ACOXL: variants seen among roughly 807,000 people sequenced by gnomAD.
The protein encoded by ACOXL is acyl-coenzyme A oxidase-like protein.
A neutral mutation model predicts 71.9 loss-of-function variants in ACOXL; 70 were observed. The observed-to-expected ratio is 0.97, with a 90% confidence interval of 0.80 to 1.19. ACOXL has a LOEUF of 1.19. ACOXL is among the 50% of genes most tolerant of loss of function. ACOXL has a pLI of 0.00. For synonymous variants in ACOXL, 253 were observed against 281.6 expected (o/e 0.90, Z 1.02); for missense variants, 703 against 736.3 (o/e 0.95, Z 0.52).
intron 1 of ACOXL, among the ~76,000 whole-genome samples, chr2:110,737,280 C>G (rs774211523): frequency 1.1e-4 from 16 of 152,168 alleles, no homozygotes; most frequent in Non-Finnish European, 2.1e-4. Flanking sequence ...TTACTTCATT[C>G]TCATGTAATT....
At chr2:111,091,008 A>G (rs2068491217) in intron 16 of ACOXL, among the ~76,000 whole-genome samples, 1 of 152,192 alleles carries the variant, frequency 6.6e-6, no homozygotes, top group Non-Finnish European at 1.5e-5. Context: ...GAGAACAGCT[A>G]GAGATTAAAG....
chr2:111,060,165 C>T (rs1558924641), intron 16 of ACOXL, among the ~76,000 whole-genome samples: 1 of 152,146 alleles, frequency 6.6e-6, no homozygotes, highest in Admixed American at 6.5e-5. Context: ...TGAGGCCTCC[C>T]TTCCCCTCCT....
At chr2:110,929,003 GTA>G (rs2060383690) in intron 11 of ACOXL, among the ~76,000 whole-genome samples, 1 of 152,144 alleles carries the variant, frequency 6.6e-6, no homozygotes, top group Non-Finnish European at 1.5e-5. Flanking sequence ...CTAGCCTTGG[GTA>G]TGTCTTTATC....
intron 14 of ACOXL, chr2:111,016,779 G>A (rs13013712): frequency 0.014 from 2,068 of 152,794 alleles, 19 homozygotes; most frequent in South Asian, 0.021. Flanking sequence ...CAGTAGCCAG[G>A]GTCACAGAAG....
intron 12 of ACOXL, among the ~76,000 whole-genome samples, chr2:110,966,264 C>T (rs2061924216): frequency 6.6e-6 from 1 of 152,174 alleles, no homozygotes; most frequent in Non-Finnish European, 1.5e-5. Flanking sequence ...AATCCACCCC[C>T]ACTCAGCAGC....
chr2:110,760,240 C>T (rs1232917210), intron 1 of ACOXL, among the ~76,000 whole-genome samples: 5 of 151,474 alleles, frequency 3.3e-5, no homozygotes, highest in African/African-American at 7.3e-5. Context: ...CTTGGGTTCA[C>T]GCCATTCTCC....
intron 10 of ACOXL, among the ~76,000 whole-genome samples, chr2:110,864,205 G>T: frequency 6.6e-6 from 1 of 152,174 alleles, no homozygotes; most frequent in South Asian, 2.1e-4. Flanking sequence ...GGTCAAATCT[G>T]TTCTTTCCCA....
chr2:110,956,409 G>C (rs964534583), intron 12 of ACOXL, among the ~76,000 whole-genome samples: 1 of 152,114 alleles, frequency 6.6e-6, no homozygotes, highest in Non-Finnish European at 1.5e-5. Context: ...TGAGAGTGCA[G>C]GGCAGCAGCG....
chr2:110,907,684 G>A (rs76307991), intron 10 of ACOXL, among the ~76,000 whole-genome samples: 4 of 152,118 alleles, frequency 2.6e-5, no homozygotes, highest in East Asian at 1.9e-4. Flanking sequence ...GCTTGCACGC[G>A]GCCTTCCTTG....
At chr2:110,991,005 T>TG (rs1307250382) in intron 13 of ACOXL, among the ~76,000 whole-genome samples, 7 of 152,190 alleles carry the variant, frequency 4.6e-5, no homozygotes, top group African/African-American at 1.4e-4. Context: ...AGAGTTATTT[T>TG]GGGGGGAGTG....
chr2:110,912,967 C>T (rs187336515), intron 11 of ACOXL, among the ~76,000 whole-genome samples: 17 of 152,096 alleles, frequency 1.1e-4, no homozygotes, highest in Admixed American at 4.6e-4. Flanking sequence ...GACTTTCCTC[C>T]AAAGAAGATG....
intron 17 of ACOXL, among the ~76,000 whole-genome samples, chr2:111,109,827 C>T (rs540546432): frequency 6.6e-6 from 1 of 151,940 alleles, no homozygotes; most frequent in African/African-American, 2.4e-5. Flanking sequence ...TACAGACATG[C>T]ACCACCATGC....
intron 9 of ACOXL, among the ~76,000 whole-genome samples, chr2:110,808,294 G>A (rs1270609784): frequency 2.6e-5 from 4 of 152,142 alleles, no homozygotes; most frequent in Non-Finnish European, 4.4e-5. Context: ...GCTAAGACAA[G>A]CTCATCTTGT....
At chr2:110,771,425 A>G (rs1325775385) in intron 2 of ACOXL, among the ~76,000 whole-genome samples, 1 of 151,870 alleles carries the variant, frequency 6.6e-6, no homozygotes, top group African/African-American at 2.4e-5. Context: ...GTTGCTCTCC[A>G]CTTTTGTGGA....
intron 14 of ACOXL, among the ~76,000 whole-genome samples, chr2:110,996,768 C>T (rs938912783): frequency 1.6e-4 from 25 of 152,146 alleles, no homozygotes; most frequent in Admixed American, 1.6e-3. Context: ...GGTCATGTCT[C>T]CTAGTACAAC....
intron 12 of ACOXL, among the ~76,000 whole-genome samples, chr2:110,970,291 G>A (rs1273942756): frequency 1.3e-5 from 2 of 152,118 alleles, no homozygotes; most frequent in Non-Finnish European, 2.9e-5. Flanking sequence ...ATTACACATG[G>A]CAACCTAGTG....
intron 1 of ACOXL, among the ~76,000 whole-genome samples, chr2:110,763,386 A>G (rs1045893333): frequency 1.3e-5 from 2 of 152,222 alleles, no homozygotes; most frequent in Non-Finnish European, 2.9e-5. Flanking sequence ...ACTCACATAA[A>G]TATAGTCAAC....
At chr2:111,102,961 G>C (rs1475329742) in intron 17 of ACOXL, among the ~76,000 whole-genome samples, 1 of 152,144 alleles carries the variant, frequency 6.6e-6, no homozygotes, top group Non-Finnish European at 1.5e-5. Context: ...TTCTCTGGGG[G>C]ACTCAAAGTG....
At chr2:110,953,616 G>C (rs2061401632) in intron 12 of ACOXL, among the ~76,000 whole-genome samples, 1 of 152,052 alleles carries the variant, frequency 6.6e-6, no homozygotes, top group Admixed American at 6.5e-5. Context: ...TCCCACTGTT[G>C]ATAGTGGATT....
Sources: allele counts gnomAD v4.1 joint callset (sites outside exome capture counted in the v4.1 genomes callset), GRCh38; gene constraint gnomAD v4.1.1; transcripts MANE v1.5; gene names NCBI Gene and HGNC (gene_info 2026-07-23, HGNC 2026-07-21).